The following STK32B variants were observed in gnomAD, a reference collection of about 807,000 sequenced individuals.
STK32B encodes the protein serine/threonine-protein kinase 32B.
Under a neutral mutation model 52.6 loss-of-function variants are expected in STK32B, and 43 were observed. The observed-to-expected ratio is 0.82, with a 90% CI of 0.64 to 1.05. The LOEUF (loss-of-function observed/expected upper bound fraction) is 1.05, where lower values mean the gene tolerates loss of function less well. Ranked by LOEUF, STK32B falls within the 50% of genes least tolerant of loss-of-function variation. The pLI, the probability that STK32B is intolerant of heterozygous loss-of-function variation, is 0.00. For synonymous variants in STK32B, 238 were observed against 204.3 expected, an observed-to-expected ratio of 1.17 and a Z score of -1.41; for missense variants, 621 against 534.6, an observed-to-expected ratio of 1.16 and a Z score of -1.59.
At chr4:5,478,534 T>G (rs1384300500) in intron 11 of STK32B, among the ~76,000 whole-genome samples, 4 of 152,200 alleles carry the variant, frequency 2.6e-5, no homozygotes, top group Non-Finnish European at 5.9e-5. Flanking sequence ...AATCTCCCAA[T>G]AACTGTTGAG....
At chr4:5,104,840 T>C (rs1714011069) in intron 1 of STK32B, among the ~76,000 whole-genome samples, 2 of 152,270 alleles carry the variant, frequency 1.3e-5, no homozygotes, top group Non-Finnish European at 2.9e-5. Context: ...ATGTTGCATG[T>C]AGCTTTAGTT....
At chr4:5,032,781 C>A in the STK32B span, among the ~76,000 whole-genome samples, 102,221 of 151,890 alleles carry the variant, frequency 0.67, 34,650 homozygotes, top group East Asian at 0.89. Flanking sequence ...TCCCCATTAA[C>A]CACTAACTCC....
intron 3 of STK32B, among the ~76,000 whole-genome samples, chr4:5,310,808 G>A (rs66469907): frequency 0.13 from 19,478 of 152,116 alleles, 2,691 homozygotes; most frequent in African/African-American, 0.36. Context: ...ACAAATAGAT[G>A]AATGGATACA....
At chr4:5,031,771 G>A in the STK32B span, among the ~76,000 whole-genome samples, 3 of 152,138 alleles carry the variant, frequency 2.0e-5, no homozygotes, top group East Asian at 5.8e-4. Context: ...TAGCAGGCCT[G>A]TGATATCAAG....
intron 3 of STK32B, among the ~76,000 whole-genome samples, chr4:5,200,646 T>C (rs1207111038): frequency 6.6e-6 from 1 of 152,010 alleles, no homozygotes; most frequent in Non-Finnish European, 1.5e-5. Flanking sequence ...AGGCTTAGGC[T>C]CAAGGCCAAA....
At chr4:5,108,902 G>C (rs539883787) in intron 1 of STK32B, among the ~76,000 whole-genome samples, 1 of 152,282 alleles carries the variant, frequency 6.6e-6, no homozygotes, top group African/African-American at 2.4e-5. Context: ...CGTTACATCT[G>C]CAGCACTCAT....
chr4:5,432,304 T>C (rs1713656989), intron 6 of STK32B: 2 of 152,204 alleles, frequency 1.3e-5, no homozygotes, highest in Non-Finnish European at 2.9e-5. Context: ...GCTAATCCCT[T>C]TGAATCTGGA....
chr4:5,427,342 T>G (rs1224353399), intron 6 of STK32B, among the ~76,000 whole-genome samples: 1 of 146,254 alleles, frequency 6.8e-6, no homozygotes, highest in Non-Finnish European at 1.5e-5. Flanking sequence ...GGAATTTTTG[T>G]CTGTAGTTCT....
chr4:5,052,300 C>T (rs911045307), intron 1 of STK32B, among the ~76,000 whole-genome samples: 7 of 152,096 alleles, frequency 4.6e-5, no homozygotes, highest in South Asian at 4.1e-4. Flanking sequence ...CGGAGGTGGC[C>T]TGGAAGGGCG....
chr4:5,437,442 A>G (rs1282052880), intron 6 of STK32B, among the ~76,000 whole-genome samples: 1 of 152,328 alleles, frequency 6.6e-6, no homozygotes, highest in East Asian at 1.9e-4. Flanking sequence ...TTGTCTTCAC[A>G]TGGCCGTCTT....
At chr4:5,317,261 CAT>C (rs1479173299) in intron 3 of STK32B, among the ~76,000 whole-genome samples, 1,401 of 16,094 alleles carry the variant, frequency 0.087, 100 homozygotes, top group Non-Finnish European at 0.11. Flanking sequence ...TAACATATAA[CAT>C]ATATATAATA....
chr4:5,036,027 C>T, the STK32B span, among the ~76,000 whole-genome samples: 1 of 152,126 alleles, frequency 6.6e-6, no homozygotes, highest in East Asian at 1.9e-4. Context: ...GGTGATCCAC[C>T]GGCCTCGGCC....
intron 1 of STK32B, among the ~76,000 whole-genome samples, chr4:5,123,923 T>C (rs532835430): frequency 2.1e-4 from 32 of 152,160 alleles, no homozygotes; most frequent in Non-Finnish European, 3.8e-4. Flanking sequence ...CTCCTGCCTT[T>C]TATTGATCAC....
chr4:5,335,906 G>C (rs1209240414), intron 4 of STK32B, among the ~76,000 whole-genome samples: 1 of 151,508 alleles, frequency 6.6e-6, no homozygotes, highest in Non-Finnish European at 1.5e-5. Context: ...CAACTATGTG[G>C]TCAATTTTGG....
intron 6 of STK32B, among the ~76,000 whole-genome samples, chr4:5,421,290 CTG>C (rs1577473825): frequency 6.6e-6 from 1 of 151,932 alleles, no homozygotes; most frequent in East Asian, 2.0e-4. Flanking sequence ...CGGGGTTTCA[CTG>C]TGTTAGCCAG....
Position 5,165,365 on chromosome 4 carries a change from T to C in STK32B, c.109-2934T>C, listed in dbSNP as rs971171526. Among the ~76,000 whole-genome samples the C allele has an allele frequency of 2.0e-5, 3 of 152,216 alleles. No homozygotes were observed. In the East Asian group the frequency reaches 5.8e-4, roughly 29 times the overall value. ...CCTTTGAAAGCCAGTTTTAATTTAATTTTGGAGAGTCTCTTCCAATTCCTA... is the reference window on the plus strand; with the variant it reads ...CCTTTGAAAGCCAGTTTTAATTTAACTTTGGAGAGTCTCTTCCAATTCCTA... On this transcript the variant is annotated intron_variant, in intron 2 of 11. Coordinates refer to ENST00000282908, the MANE Select transcript of STK32B (RefSeq NM_018401.3).
chr4:5,297,897 G>GCA, intron 3 of STK32B, among the ~76,000 whole-genome samples: 1 of 152,144 alleles, frequency 6.6e-6, no homozygotes, highest in East Asian at 1.9e-4. Flanking sequence ...TTTTGCACTA[G>GCA]TTTTTCCTCA....
At chr4:5,495,960 G>T (rs1044792039) in intron 11 of STK32B, among the ~76,000 whole-genome samples, 4 of 152,138 alleles carry the variant, frequency 2.6e-5, no homozygotes. Flanking sequence ...GGAGTACCCG[G>T]CCGTGTGATG....
intron 1 of STK32B, among the ~76,000 whole-genome samples, chr4:5,062,491 T>C (rs1742253399): frequency 6.6e-6 from 1 of 152,118 alleles, no homozygotes; most frequent in Non-Finnish European, 1.5e-5. Context: ...AACATTACAA[T>C]GTTTAGTTTT....
Sources: gnomAD v4.1 joint callset for allele counts (sites outside exome capture counted in the v4.1 genomes callset) on GRCh38, gnomAD v4.1.1 for gene constraint, MANE v1.5 for transcripts, NCBI Gene and HGNC (gene_info 2026-07-23, HGNC 2026-07-21) for gene names.